DIAPH3: variants seen among roughly 807,000 people sequenced by gnomAD.
The protein encoded by DIAPH3 is diaphanous related formin 3.
In DIAPH3, 117 loss-of-function variants were observed where a neutral mutation model predicts 144.3. The observed-to-expected ratio is 0.81, with a 90% CI of 0.70 to 0.95. The LOEUF (loss-of-function observed/expected upper bound fraction) is 0.95. Among genes scored for constraint, DIAPH3 ranks in the 40% least tolerant of loss-of-function variants. The pLI is 0.00. For missense variants in DIAPH3, 1,421 were observed against 1,412.7 expected (o/e 1.01, Z -0.09); for synonymous variants, 519 against 488.9 (o/e 1.06, Z -0.81).
At chr13:60,112,245 A>C in intron 2 of DIAPH3, 59 bp from the exon 3 acceptor site, 30 of 1,590,874 alleles carry the variant, frequency 1.9e-5, no homozygotes, top group Non-Finnish European at 2.4e-5. Flanking sequence ...CATTTATCTC[A>C]TCTCAAAAAT....
intron 27 of DIAPH3, among the ~76,000 whole-genome samples, chr13:59,729,711 C>T (rs1475434628): frequency 6.6e-6 from 1 of 151,642 alleles, no homozygotes; most frequent in African/African-American, 2.4e-5. Flanking sequence ...CATCAATTTG[C>T]CAATTTCCTG....
At chr13:60,037,302 G>C (rs575027618) in intron 5 of DIAPH3, among the ~76,000 whole-genome samples, 2 of 152,020 alleles carry the variant, frequency 1.3e-5, no homozygotes, top group East Asian at 3.9e-4. Context: ...CAAAAAGAAT[G>C]ATGTGTGTAG....
At chr13:59,797,615 G>A (rs1016120845) in intron 25 of DIAPH3, among the ~76,000 whole-genome samples, 1 of 152,122 alleles carries the variant, frequency 6.6e-6, no homozygotes. Context: ...CAAAATAAAC[G>A]AATGCAGACT....
At chr13:59,957,704 A>T (rs1322274834) in intron 17 of DIAPH3, among the ~76,000 whole-genome samples, 1 of 152,250 alleles carries the variant, frequency 6.6e-6, no homozygotes, top group African/African-American at 2.4e-5. Flanking sequence ...TTATGTATAT[A>T]CAGATACAGA....
intron 4 of DIAPH3, among the ~76,000 whole-genome samples, chr13:60,066,980 T>A (rs1315696682): frequency 6.6e-6 from 1 of 152,334 alleles, no homozygotes; most frequent in East Asian, 1.9e-4. Flanking sequence ...ATTATATTTT[T>A]CAAAAATTAT....
intron 17 of DIAPH3, among the ~76,000 whole-genome samples, chr13:59,950,003 T>C (rs2049017404): frequency 1.3e-5 from 2 of 152,144 alleles, no homozygotes; most frequent in Admixed American, 1.3e-4. Context: ...GTAATAAAAG[T>C]AGTCTCTTAA....
chr13:59,680,631 G>A (rs1477739333), intron 27 of DIAPH3, among the ~76,000 whole-genome samples: 2 of 151,392 alleles, frequency 1.3e-5, no homozygotes, highest in East Asian at 3.9e-4. Flanking sequence ...GAGGTCAGAC[G>A]GCTACACCTG....
intron 5 of DIAPH3, among the ~76,000 whole-genome samples, chr13:60,019,404 G>C (rs918938141): frequency 2.6e-5 from 4 of 152,008 alleles, no homozygotes; most frequent in Non-Finnish European, 5.9e-5. Context: ...TATGACATTT[G>C]TATCAGAAAA....
At chr13:60,042,878 A>C in intron 4 of DIAPH3, 58 bp from the exon 5 acceptor site, 1 of 1,585,448 alleles carries the variant, frequency 6.3e-7, no homozygotes, top group Non-Finnish European at 8.6e-7. Context: ...ACCCATTAAA[A>C]AATAACAAGT....
At chr13:60,044,864 A>T (rs1322042268) in intron 4 of DIAPH3, among the ~76,000 whole-genome samples, 15 of 152,014 alleles carry the variant, frequency 9.9e-5, no homozygotes, top group Admixed American at 9.8e-4. Context: ...TGTCCTCATG[A>T]TAGTCAGTGA....
chr13:59,826,688 G>T (rs1032883273), intron 24 of DIAPH3, among the ~76,000 whole-genome samples: 3 of 151,638 alleles, frequency 2.0e-5, no homozygotes, highest in African/African-American at 7.3e-5. Flanking sequence ...CTACTTTAAA[G>T]TTCATATGGA....
At chr13:59,694,026 T>C (rs1033330012) in intron 27 of DIAPH3, among the ~76,000 whole-genome samples, 4 of 152,190 alleles carry the variant, frequency 2.6e-5, no homozygotes, top group African/African-American at 9.6e-5. Flanking sequence ...TGTGGTGCTA[T>C]ATATAAACCA....
intron 9 of DIAPH3, among the ~76,000 whole-genome samples, chr13:60,005,966 C>A (rs540398973): frequency 8.5e-5 from 13 of 152,188 alleles, no homozygotes; most frequent in African/African-American, 2.4e-4. Flanking sequence ...ACTGATAGTT[C>A]TCTTTCTAGA....
intron 27 of DIAPH3, among the ~76,000 whole-genome samples, chr13:59,769,451 G>A (rs1373142196): frequency 6.6e-6 from 1 of 151,896 alleles, no homozygotes; most frequent in Non-Finnish European, 1.5e-5. Context: ...CCATTCTCTT[G>A]TTTTAAAGAT....
At position 60,163,676 on chromosome 13, in the gene DIAPH3, G is replaced by A. The variant is rs987425964; in HGVS notation, c.91C>T (p.Arg31Trp). ...TTCCTGCGCGGCATCTTGCTTTCCCGGCAGCCGCGGAGAGAGGCTGAGGAA... is the reference window on the plus strand; with the variant it reads ...TTCCTGCGCGGCATCTTGCTTTCCCAGCAGCCGCGGAGAGAGGCTGAGGAA... The part of the protein sequence containing the change: ...YPSSASLRGC[R>W]ESKMPRRKGP... Residue 31 changes from arginine (R) to tryptophan (W), a missense_variant, in exon 1 of 28, where the codon CGG becomes TGG. Transcript: ENST00000400324. 1 of 1,607,494 alleles carries A rather than the reference G, an allele frequency of 6.2e-7. No homozygotes were observed. Among genetic ancestry groups the A allele is most frequent in the African/African-American group, 1.3e-5 (1 of 74,820 alleles).
chr13:59,698,829 A>G (rs9563757), intron 27 of DIAPH3, among the ~76,000 whole-genome samples: 100,241 of 152,066 alleles, frequency 0.66, 33,299 homozygotes, highest in East Asian at 0.71. Context: ...GTGGTCCCCA[A>G]CTGCAGCTTA....
chr13:59,812,280 C>G (rs1566348624), intron 24 of DIAPH3, among the ~76,000 whole-genome samples: 3 of 151,570 alleles, frequency 2.0e-5, no homozygotes, highest in East Asian at 3.9e-4. Flanking sequence ...ATCCATCCAT[C>G]CATCCATCCA....
intron 27 of DIAPH3, among the ~76,000 whole-genome samples, chr13:59,736,193 G>C (rs2036144919): frequency 6.6e-6 from 1 of 152,100 alleles, no homozygotes; most frequent in African/African-American, 2.4e-5. Flanking sequence ...ATCTATCATT[G>C]ATGGCCACTT....
chr13:60,084,017 G>GATAGATAGAT (rs1566751868), intron 4 of DIAPH3, among the ~76,000 whole-genome samples: 1 of 146,590 alleles, frequency 6.8e-6, no homozygotes, highest in East Asian at 2.0e-4. Context: ...CAGATAGATA[G>GATAGATAGAT]ATAGATAGAT....
Sources: gnomAD v4.1 joint callset for allele counts (sites outside exome capture counted in the v4.1 genomes callset) on GRCh38, gnomAD v4.1.1 for gene constraint, MANE v1.5 for transcripts, NCBI Gene and HGNC (gene_info 2026-07-23, HGNC 2026-07-21) for gene names.